The following TBK1 variants were observed in gnomAD, a reference collection of about 807,000 sequenced individuals.
TBK1 encodes TANK binding kinase 1.
TBK1 carries 37 observed loss-of-function variants against 99.9 expected under a neutral mutation model. That is an observed-to-expected ratio of 0.37 (90% CI 0.28 to 0.49). The LOEUF (loss-of-function observed/expected upper bound fraction) is 0.49, where lower values mean the gene tolerates loss of function less well. Among genes scored for constraint, TBK1 ranks in the 20% least tolerant of loss-of-function variants. The pLI, the probability that TBK1 is intolerant of heterozygous loss-of-function variation, is 0.98. For missense variants in TBK1, 644 were observed against 872.5 expected (o/e 0.74, Z 3.30); for synonymous variants, 258 against 279.8 (o/e 0.92, Z 0.78).
At position 64,489,671 on chromosome 12, in the gene TBK1, C is replaced by T. The variant is rs376821141; in HGVS notation, c.1443-370C>T. Among the ~76,000 whole-genome samples, 8 of 150,798 alleles carry T rather than the reference C, an allele frequency of 5.3e-5. No homozygotes were observed. The East Asian group carries it at 5.9e-4, about 11-fold the overall frequency. The stretch of plus-strand genomic sequence containing the variant: ...GCAACCTCCGCCTCCCAGGTTCAAG[C>T]GATTCTCCTGCCTCAGCCTCCCAAG... On this transcript the variant is annotated intron_variant, in intron 12 of 20. Transcript: ENST00000331710.
At position 64,456,778 on chromosome 12, in the gene TBK1, G is replaced by C. The variant is rs574995581; in HGVS notation, c.87+821G>C. Among the ~76,000 whole-genome samples the C allele has an allele frequency of 4.0e-5, 6 of 151,590 alleles. No homozygotes were observed. The East Asian group carries it at 5.8e-4, about 15-fold the overall frequency. ...AATGGTGTGAACCCAGGAGGCGGAG[G>C]CTGCAGTGAGCCAAGATAGCACCAC... On this transcript the variant is annotated intron_variant, in intron 2 of 20. Transcript: ENST00000331710.
intron 7 of TBK1, among the ~76,000 whole-genome samples, chr12:64,480,674 C>T (rs2040760417): frequency 1.3e-5 from 2 of 152,056 alleles, no homozygotes; most frequent in Non-Finnish European, 2.9e-5. Context: ...ATCCTGTTAC[C>T]ACAAAGAAAG....
intron 5 of TBK1, among the ~76,000 whole-genome samples, chr12:64,469,874 T>C (rs1327351998): frequency 6.6e-6 from 1 of 152,164 alleles, no homozygotes; most frequent in African/African-American, 2.4e-5. Context: ...TCCTTGTCTC[T>C]GGAGCCCACA....
chr12:64,491,881 A>G (rs7963791), intron 13 of TBK1, among the ~76,000 whole-genome samples: 47,101 of 152,066 alleles, frequency 0.31, 7,735 homozygotes, highest in East Asian at 0.56. Context: ...AGTGGAACAG[A>G]ATAGAAAATG....
chr12:64,459,567 G>T (rs1328928016), intron 2 of TBK1, among the ~76,000 whole-genome samples: 1 of 152,110 alleles, frequency 6.6e-6, no homozygotes, highest in Non-Finnish European at 1.5e-5. Context: ...GCCTGCCCTG[G>T]TCATCTAGGT....
intron 17 of TBK1, 34 bp downstream of exon 17, chr12:64,497,084 G>C: frequency 6.3e-7 from 1 of 1,588,680 alleles, no homozygotes; most frequent in South Asian, 1.1e-5. Context: ...ATTAGTGGTT[G>C]ACTGCACAAT....
chr12:64,485,704 A>G (rs1413916191), intron 10 of TBK1, 191 bp downstream of exon 10: 4 of 447,606 alleles, frequency 8.9e-6, no homozygotes, highest in African/African-American at 2.0e-5. Context: ...TGAATTCATT[A>G]TATAAGAAAA....
intron 13 of TBK1, among the ~76,000 whole-genome samples, chr12:64,493,898 T>A (rs974160470): frequency 6.6e-6 from 1 of 152,232 alleles, no homozygotes; most frequent in Non-Finnish European, 1.5e-5. Context: ...ACTTTTTGGA[T>A]ACCATTATAG....
At chr12:64,501,223 AAAAT>A (rs1294081036) in intron 20 of TBK1, 103 bp from the exon 21 acceptor site, 5 of 1,050,048 alleles carry the variant, frequency 4.8e-6, no homozygotes, top group Non-Finnish European at 7.2e-6. Flanking sequence ...AAACTCTTTA[AAAAT>A]AAATAGCTAT....
intron 9 of TBK1, among the ~76,000 whole-genome samples, chr12:64,485,222 G>A (rs1242759839): frequency 6.6e-6 from 1 of 152,040 alleles, no homozygotes; most frequent in East Asian, 1.9e-4. Flanking sequence ...GAGAAGCATT[G>A]GACTCATTGT....
intron 2 of TBK1, among the ~76,000 whole-genome samples, chr12:64,457,718 C>T (rs746583493): frequency 3.3e-4 from 50 of 152,124 alleles, no homozygotes; most frequent in South Asian, 1.4e-3. Context: ...CTAGAAGATA[C>T]GTCACATATC....
intron 13 of TBK1, among the ~76,000 whole-genome samples, chr12:64,493,957 T>G (rs770680446): frequency 6.6e-6 from 1 of 152,228 alleles, no homozygotes; most frequent in African/African-American, 2.4e-5. Context: ...CTTAATGATA[T>G]GATGTTGCAG....
intron 5 of TBK1, among the ~76,000 whole-genome samples, chr12:64,467,411 A>G (rs1466365829): frequency 6.6e-6 from 1 of 152,136 alleles, no homozygotes; most frequent in Non-Finnish European, 1.5e-5. Flanking sequence ...TATATTCATT[A>G]TATTTATGAA....
intron 1 of TBK1, 71 bp downstream of exon 1, chr12:64,452,258 G>C (rs2040434367): frequency 6.6e-6 from 1 of 152,238 alleles, no homozygotes; most frequent in African/African-American, 2.4e-5. Flanking sequence ...TGCGCCGCCC[G>C]GCGGGGAGCG....
intron 6 of TBK1, among the ~76,000 whole-genome samples, chr12:64,477,939 C>T (rs1337500930): frequency 1.3e-5 from 2 of 152,066 alleles, no homozygotes; most frequent in Admixed American, 1.3e-4. Context: ...TAAAAATAAT[C>T]CATAATTGAC....
chr12:64,484,142 G>T lies in TBK1; in HGVS notation c.993-161G>T, dbSNP rs1316399126. On this transcript the variant is annotated intron_variant, in intron 8 of 20. Coordinates refer to ENST00000331710, the MANE Select transcript of TBK1 (RefSeq NM_013254.4). ...GCTTACTGTATGGACAGGTTATATGGAATGGAGTTTGTAGTATCCACATTA... is the reference window on the plus strand; with the variant it reads ...GCTTACTGTATGGACAGGTTATATGTAATGGAGTTTGTAGTATCCACATTA... The T allele has an allele frequency of 5.5e-6, 3 of 548,894 alleles. No homozygotes were observed. In the African/African-American group the frequency reaches 5.7e-5, roughly 10 times the overall value. The allele number at this position is 548,894 out of a possible 1,614,324, so 34.0% of individuals were successfully genotyped here.
chr12:64,488,798 C>T (rs1355233915), intron 12 of TBK1, among the ~76,000 whole-genome samples: 1 of 152,174 alleles, frequency 6.6e-6, no homozygotes, highest in East Asian at 1.9e-4. Flanking sequence ...TGGAGACCAT[C>T]CTAGCCAACA....
At chr12:64,499,529 A>G (rs1255152548) in intron 20 of TBK1, among the ~76,000 whole-genome samples, 1 of 152,042 alleles carries the variant, frequency 6.6e-6, no homozygotes, top group African/African-American at 2.4e-5. Context: ...ATGTTTGTTC[A>G]ATTTTCATTT....
chr12:64,456,703 G>T (rs776470438), intron 2 of TBK1, among the ~76,000 whole-genome samples: 5 of 151,928 alleles, frequency 3.3e-5, no homozygotes, highest in Non-Finnish European at 7.4e-5. Flanking sequence ...TTAGCCAGGC[G>T]TGGTGGCGGG....
Sources: allele counts gnomAD v4.1 joint callset (sites outside exome capture counted in the v4.1 genomes callset), GRCh38; gene constraint gnomAD v4.1.1; transcripts MANE v1.5; gene names NCBI Gene and HGNC (gene_info 2026-07-23, HGNC 2026-07-21).